The following ITGAM variants were observed in gnomAD, a reference collection of about 807,000 sequenced individuals.
The protein encoded by ITGAM is integrin subunit alpha M.
A neutral mutation model predicts 137.5 loss-of-function variants in ITGAM; 79 were observed. The observed-to-expected ratio is 0.57, with a 90% CI of 0.48 to 0.69. The LOEUF (loss-of-function observed/expected upper bound fraction) is 0.69, where lower values mean the gene tolerates loss of function less well. ITGAM is among the 30% of genes least tolerant of loss of function. The probability of loss-of-function intolerance (pLI) is 0.00; values close to 1 mark genes in which losing one functional copy is unlikely to be tolerated. For synonymous variants in ITGAM, 583 were observed against 592.3 expected (o/e 0.98, Z 0.23); for missense variants, 1,343 against 1,483.5 (o/e 0.91, Z 1.56).
chr16:31,275,988 C>T (rs2144306945), intron 9 of ITGAM, among the ~76,000 whole-genome samples: 1 of 152,306 alleles, frequency 6.6e-6, no homozygotes, highest in East Asian at 1.9e-4. Context: ...GTGTTGCCAG[C>T]TGTCGTCTGT....
intron 14 of ITGAM, among the ~76,000 whole-genome samples, chr16:31,310,523 C>T (rs1353429111): frequency 6.6e-6 from 1 of 152,172 alleles, no homozygotes; most frequent in Non-Finnish European, 1.5e-5. Context: ...ACGTAGTTCT[C>T]GTGCCGTGGT....
At chr16:31,321,208 C>G (rs2080445524) in intron 14 of ITGAM, 33 bp from the exon 15 acceptor site, 6 of 1,612,270 alleles carry the variant, frequency 3.7e-6, no homozygotes, top group Non-Finnish European at 5.1e-6. Context: ...TTTCCTACCC[C>G]TTTCTCTCTC....
intron 23 of ITGAM, among the ~76,000 whole-genome samples, chr16:31,328,487 C>T (rs1324600321): frequency 4.2e-5 from 6 of 144,162 alleles, no homozygotes; most frequent in South Asian, 2.2e-4. Flanking sequence ...TGTGCATGGG[C>T]GTGTATTTGT....
intron 12 of ITGAM, among the ~76,000 whole-genome samples, chr16:31,293,677 CCTT>C (rs1389743758): frequency 2.6e-5 from 4 of 152,042 alleles, no homozygotes; most frequent in Non-Finnish European, 5.9e-5. Flanking sequence ...TGTGATGCCT[CCTT>C]CTGTGTTCTT....
intron 1 of ITGAM, 150 bp from the exon 2 acceptor site, chr16:31,261,542 G>A: frequency 2.2e-6 from 1 of 460,420 alleles, no homozygotes; most frequent in Admixed American, 3.7e-5. Context: ...TTTTGAGATA[G>A]GATCTCTCTC....
In ITGAM at chr16:31,331,772, C is replaced by T; in HGVS notation, c.*65C>T. The T allele has an allele frequency of 1.3e-5, 17 of 1,284,164 alleles. No homozygotes were observed. Among genetic ancestry groups the T allele is most frequent in the Admixed American group, 2.5e-5 (1 of 39,972 alleles). The allele number at this position is 1,284,164 out of a possible 1,614,324, so 79.5% of individuals were successfully genotyped here. A position where few individuals can be genotyped will look rare whatever the true frequency, so the allele number is the denominator to read the frequency against. On this transcript the variant is annotated 3_prime_UTR_variant, in exon 30 of 30. Coordinates refer to ENST00000544665, the MANE Select transcript of ITGAM (RefSeq NM_000632.4). ...GGACTCTGCCCAGACCACACGTAGC[C>T]CCCAGGCTGCTGGACACGTCGGACA...
At chr16:31,274,873 G>A (rs949277146) in intron 8 of ITGAM, among the ~76,000 whole-genome samples, 3 of 152,140 alleles carry the variant, frequency 2.0e-5, no homozygotes, top group African/African-American at 4.8e-5. Flanking sequence ...GCCCGCCTTG[G>A]CCTTCCAAAG....
intron 2 of ITGAM, among the ~76,000 whole-genome samples, chr16:31,263,106 TA>T (rs756193876): frequency 9.2e-5 from 14 of 152,152 alleles, no homozygotes; most frequent in Non-Finnish European, 1.9e-4. Context: ...CACGCCTGGC[TA>T]ATTTTTGTAT....
chr16:31,330,443 C>CG (rs745341297), intron 27 of ITGAM, 22 bp downstream of exon 27: 1 of 1,610,818 alleles, frequency 6.2e-7, no homozygotes, highest in South Asian at 1.1e-5. Context: ...CCTGAGGCTT[C>CG]GCCGGGCACA....
intron 16 of ITGAM, among the ~76,000 whole-genome samples, chr16:31,323,083 A>C (rs941656904): frequency 1.3e-5 from 2 of 152,120 alleles, no homozygotes; most frequent in Non-Finnish European, 2.9e-5. Flanking sequence ...AATAGGAAAG[A>C]CAGAATAGGA....
rs775361403 is a variant in ITGAM, at chr16:31,331,247, TG to T, written c.3361del (p.Ala1121ProfsTer20). 1 of 1,612,294 alleles carries T rather than the reference TG, an allele frequency of 6.2e-7. No homozygotes were observed. The highest frequency in any genetic ancestry group is 1.3e-5 in the African/African-American group (1 of 74,964). On this transcript the variant is annotated frameshift_variant, in exon 29 of 30. Coordinates refer to ENST00000544665, the MANE Select transcript of ITGAM (RefSeq NM_000632.4). LOFTEE classifies it high-confidence loss of function. Reference sequence around the variant, plus strand: ...AGCTCTGTCGGGGGACTGCTGCTCCTGGCCCTCATCACCGCCGCGCTGTACA... The same window carrying T: ...AGCTCTGTCGGGGGACTGCTGCTCCTGCCCTCATCACCGCCGCGCTGTACA... The part of the protein sequence containing the change: ...VGSSVGGLLL[L>X]ALITAALYKL...
In ITGAM at chr16:31,331,713, C is replaced by T. The variant is rs2080586748; in HGVS notation, c.*6C>T. On this transcript the variant is annotated 3_prime_UTR_variant, in exon 30 of 30. Transcript: ENST00000544665. ...CGGGGGCCGAACCCCAGTAGCGGCT[C>T]CTTCCCGACAGAGCTGCCTCTCGGT... is the stretch of plus-strand genomic sequence containing the variant. 1 of 1,593,606 alleles carries T rather than the reference C, an allele frequency of 6.3e-7. No individual in the cohort carries two copies. The highest frequency in any genetic ancestry group is 1.8e-5 in the Admixed American group (1 of 56,920).
At chr16:31,279,526 T>G (rs1156969397) in intron 12 of ITGAM, among the ~76,000 whole-genome samples, 1 of 152,240 alleles carries the variant, frequency 6.6e-6, no homozygotes, top group Non-Finnish European at 1.5e-5. Flanking sequence ...GTTGGCTGCA[T>G]AAATGTCTTC....
rs773193744 is a variant in ITGAM, at chr16:31,278,045, T to G, written c.1292T>G (p.Leu431Arg). ...LGAPRYQHIGLVAMFRQNTGM... is the reference protein window; with the variant it reads ...LGAPRYQHIGRVAMFRQNTGM... ...GCACCTCGATATCAGCACATCGGCCTGGTAGCGATGTTCAGGCAGAACACT... is the reference window on the plus strand; with the variant it reads ...GCACCTCGATATCAGCACATCGGCCGGGTAGCGATGTTCAGGCAGAACACT... Residue 431 changes from leucine to arginine, a missense_variant, in exon 12 of 30, where the codon CTG becomes CGG. By Grantham distance (102) the Leu-to-Arg change is moderately radical. Coordinates refer to ENST00000544665, the MANE Select transcript of ITGAM (RefSeq NM_000632.4). The G allele has an allele frequency of 5.6e-6, 9 of 1,607,896 alleles. No homozygotes were observed. Among genetic ancestry groups the G allele is most frequent in the Non-Finnish European group, 7.6e-6 (9 of 1,177,318 alleles).
intron 12 of ITGAM, among the ~76,000 whole-genome samples, chr16:31,287,593 T>C (rs2080041861): frequency 6.6e-6 from 1 of 152,202 alleles, no homozygotes; most frequent in Non-Finnish European, 1.5e-5. Context: ...TGGTTAGCTG[T>C]GTTCCCAGGT....
At chr16:31,319,915 C>A (rs1444912195) in intron 14 of ITGAM, among the ~76,000 whole-genome samples, 1 of 151,914 alleles carries the variant, frequency 6.6e-6, no homozygotes, top group East Asian at 1.9e-4. Context: ...CGGGTTCAGG[C>A]CATTCTTCTG....
At position 31,331,597 on chromosome 16, in the gene ITGAM, T is replaced by C. The variant is rs760570119; in HGVS notation, c.3388-39T>C. The C allele has an allele frequency of 5.0e-5, 50 of 1,006,584 alleles. No homozygotes were observed. The Admixed American group carries it at 1.2e-3, about 23-fold the overall frequency. 62.4% of individuals were successfully genotyped at this position (1,006,584 alleles called of 1,614,324 possible). A position where few individuals can be genotyped will look rare whatever the true frequency, so the allele number is the denominator to read the frequency against. The stretch of plus-strand genomic sequence containing the variant: ...CTGGTCTGCGGAGCCGCACGCTCCC[T>C]GGCTGCTGTCGCTCTCACTGCCCTC... On this transcript the variant is annotated intron_variant, in intron 29 of 29. Coordinates refer to ENST00000544665, the MANE Select transcript of ITGAM (RefSeq NM_000632.4).
At chr16:31,327,540 G>A (rs1405743971) in intron 22 of ITGAM, among the ~76,000 whole-genome samples, 1 of 151,966 alleles carries the variant, frequency 6.6e-6, no homozygotes, top group African/African-American at 2.4e-5. Flanking sequence ...GCTGCAGTGA[G>A]CTGAGATGGT....
chr16:31,278,193 T>C (rs2079931238), intron 12 of ITGAM, 84 bp downstream of exon 12: 1 of 1,408,200 alleles, frequency 7.1e-7, no homozygotes, highest in Non-Finnish European at 9.6e-7. Flanking sequence ...TCAGATGACA[T>C]GCATGGCCCT....
Sources: gnomAD v4.1 joint callset for allele counts (sites outside exome capture counted in the v4.1 genomes callset) on GRCh38, gnomAD v4.1.1 for gene constraint, MANE v1.5 for transcripts, NCBI Gene and HGNC (gene_info 2026-07-23, HGNC 2026-07-21) for gene names.